The following YES1 variants were observed in gnomAD, a reference collection of about 807,000 sequenced individuals.
YES1 encodes the protein YES proto-oncogene 1, Src family tyrosine kinase.
Under a neutral mutation model 70.4 loss-of-function variants are expected in YES1, and 39 were observed. The observed-to-expected ratio is 0.55, with a 90% CI of 0.43 to 0.72. The LOEUF (loss-of-function observed/expected upper bound fraction) is 0.72. Among genes scored for constraint, YES1 ranks in the 30% least tolerant of loss-of-function variants. YES1 has a pLI of 0.00. For synonymous variants in YES1, 198 were observed against 218.6 expected (o/e 0.91, Z 0.83); for missense variants, 495 against 644.8 (o/e 0.77, Z 2.52).
At chr18:769,409 G>A (rs1264661241) in intron 1 of YES1, among the ~76,000 whole-genome samples, 6 of 150,676 alleles carry the variant, frequency 4.0e-5, no homozygotes, top group African/African-American at 4.8e-5. Context: ...TCCTACATAC[G>A]TCTTTTTCCC....
chr18:761,782 T>C (rs1457092321), intron 1 of YES1, among the ~76,000 whole-genome samples: 1 of 152,250 alleles, frequency 6.6e-6, no homozygotes, highest in African/African-American at 2.4e-5. Context: ...GGACCCATCA[T>C]TGCTGCTCAT....
intron 1 of YES1, among the ~76,000 whole-genome samples, chr18:763,929 G>A (rs1904728184): frequency 6.6e-6 from 1 of 151,774 alleles, no homozygotes; most frequent in Non-Finnish European, 1.5e-5. Flanking sequence ...AGACCATCCT[G>A]GCTAACAGGG....
Position 732,875 on chromosome 18 carries a change from A to G in YES1, c.1382T>C (p.Leu461Pro), listed in dbSNP as rs1344624141. The G allele has an allele frequency of 6.2e-7, 1 of 1,614,134 alleles. No individual in the cohort carries two copies. Among genetic ancestry groups the G allele is most frequent in the Non-Finnish European group, 8.5e-7 (1 of 1,180,056 alleles). Residue 461 changes from leucine to proline, a missense_variant, in exon 11 of 12, where the codon CTG becomes CCG. Around this residue, in one of 2 missense-constraint regions of YES1, gnomAD observed 385 missense variants for 540.9 expected, o/e 0.71. Coordinates refer to ENST00000314574, the MANE Select transcript of YES1 (RefSeq NM_005433.4). Reference protein sequence around the residue: ...IKSDVWSFGILQTELVTKGRV... With the variant: ...IKSDVWSFGIPQTELVTKGRV... ...GCCCTTTGTTACTAGTTCTGTTTGC[A>G]GAATTCCAAATGACCAGACATCAGA...
At chr18:791,035 G>A (rs560385698) in intron 1 of YES1, among the ~76,000 whole-genome samples, 13 of 152,112 alleles carry the variant, frequency 8.5e-5, no homozygotes, top group Admixed American at 7.9e-4. Context: ...GGATCATCTG[G>A]GGTCAAGAGT....
At chr18:778,569 A>C (rs922144011) in intron 1 of YES1, among the ~76,000 whole-genome samples, 1 of 152,240 alleles carries the variant, frequency 6.6e-6, no homozygotes, top group South Asian at 2.1e-4. Context: ...TGCTCTATCT[A>C]GTTTGGAAGG....
At chr18:761,473 C>T (rs1242274105) in intron 1 of YES1, among the ~76,000 whole-genome samples, 1 of 152,128 alleles carries the variant, frequency 6.6e-6, no homozygotes, top group Non-Finnish European at 1.5e-5. Context: ...CATGTCAATT[C>T]ACAACAGAGG....
intron 1 of YES1, among the ~76,000 whole-genome samples, chr18:770,268 CTTTTTT>C (rs11324966): frequency 7.1e-6 from 1 of 140,136 alleles, no homozygotes; most frequent in Non-Finnish European, 1.5e-5. Flanking sequence ...GCCCTTTTAT[CTTTTTT>C]TTTTTTTTTT....
chr18:725,199 C>T (rs1256051956), intron 11 of YES1, among the ~76,000 whole-genome samples: 3 of 151,768 alleles, frequency 2.0e-5, no homozygotes, highest in Non-Finnish European at 4.4e-5. Flanking sequence ...ACCCCCTGAT[C>T]AGCAGTTCAC....
At position 758,019 on chromosome 18, in the gene YES1, C is replaced by G. The variant is rs540087431; in HGVS notation, c.-8-1184G>C. On this transcript the variant is annotated intron_variant, in intron 1 of 11. Transcript: ENST00000314574. Reference sequence around the variant, plus strand: ...CAAATACTGTTGTATTCTGTCTATACCAGGACTATGTCAACAGAAATATAA... The same window carrying G: ...CAAATACTGTTGTATTCTGTCTATAGCAGGACTATGTCAACAGAAATATAA... Among the ~76,000 whole-genome samples, 72 of 152,134 alleles carry G rather than the reference C, an allele frequency of 4.7e-4. 1 individual carries two copies. The highest frequency in any genetic ancestry group is 4.4e-4 in the Non-Finnish European group (30 of 68,000).
intron 1 of YES1, among the ~76,000 whole-genome samples, chr18:801,908 T>TA (rs1446907566): frequency 1.3e-5 from 2 of 152,210 alleles, no homozygotes; most frequent in African/African-American, 4.8e-5. Flanking sequence ...CCTTATTTTA[T>TA]AAAAAGATGA....
At chr18:733,149 C>T (rs2080111557) in intron 10 of YES1, among the ~76,000 whole-genome samples, 184 bp from the exon 11 acceptor site, 2 of 152,164 alleles carry the variant, frequency 1.3e-5, no homozygotes, top group South Asian at 2.1e-4. Context: ...AAATAAATCA[C>T]ATTTCTTCCT....
intron 1 of YES1, among the ~76,000 whole-genome samples, chr18:792,122 A>C (rs1371166427): frequency 1.3e-5 from 2 of 152,068 alleles, no homozygotes; most frequent in Admixed American, 6.6e-5. Context: ...TCTATTAATA[A>C]TATTAATTCA....
chr18:778,434 T>C (rs1293821946), intron 1 of YES1, among the ~76,000 whole-genome samples: 1 of 152,226 alleles, frequency 6.6e-6, no homozygotes. Context: ...CAATGTTGCC[T>C]TATTATTAGT....
At chr18:727,792 G>A (rs890817891) in intron 11 of YES1, among the ~76,000 whole-genome samples, 1 of 151,884 alleles carries the variant, frequency 6.6e-6, no homozygotes, top group Non-Finnish European at 1.5e-5. Context: ...TTTTATTGTT[G>A]GTGTTTTAGA....
chr18:742,631 G>A (rs1414355044), intron 8 of YES1, among the ~76,000 whole-genome samples: 2 of 152,112 alleles, frequency 1.3e-5, no homozygotes, highest in Non-Finnish European at 2.9e-5. Context: ...TTAATTAAAT[G>A]TGTACAAACA....
rs1465077979 is a variant in YES1, at chr18:736,916, G to A, written c.1183C>T (p.Arg395Ter). Residue 395 changes from arginine (R) to a stop codon, truncating the protein, a stop_gained, in exon 10 of 12, where the codon CGA becomes TGA. Coordinates refer to ENST00000314574, the MANE Select transcript of YES1 (RefSeq NM_005433.4). LOFTEE classifies it high-confidence loss of function. Reference sequence around the variant, plus strand: ...AGAATATTAGCAGCCCGAAGATCTCGGTGAATATAGTTCATTCTTTCAATA... The same window carrying A: ...AGAATATTAGCAGCCCGAAGATCTCAGTGAATATAGTTCATTCTTTCAATA... ...AYIERMNYIHRDLRAANILVG... is the reference protein window; with the variant it reads ...AYIERMNYIH 9.9e-6 allele frequency: 16 copies of A among 1,611,206 alleles called. No individual in the cohort carries two copies. The highest frequency in any genetic ancestry group is 4.0e-5 in the African/African-American group (3 of 74,774).
At chr18:765,532 G>T (rs1904863824) in intron 1 of YES1, among the ~76,000 whole-genome samples, 1 of 151,276 alleles carries the variant, frequency 6.6e-6, no homozygotes, top group Non-Finnish European at 1.5e-5. Flanking sequence ...CCCAGTAGCT[G>T]GGATTACAGG....
At chr18:801,786 T>G (rs778635391) in intron 1 of YES1, among the ~76,000 whole-genome samples, 6 of 152,188 alleles carry the variant, frequency 3.9e-5, no homozygotes, top group African/African-American at 7.2e-5. Context: ...TGAAACAGTT[T>G]AGTGTAATAA....
intron 6 of YES1, among the ~76,000 whole-genome samples, chr18:744,193 C>T (rs533144835): frequency 3.3e-5 from 5 of 151,850 alleles, no homozygotes; most frequent in African/African-American, 1.2e-4. Context: ...TCCCCTAAGG[C>T]CCTGCAGTTA....
Sources: allele counts gnomAD v4.1 joint callset (sites outside exome capture counted in the v4.1 genomes callset), GRCh38; gene constraint gnomAD v4.1.1; regional missense constraint gnomAD v4.1.1; transcripts MANE v1.5; gene names NCBI Gene and HGNC (gene_info 2026-07-23, HGNC 2026-07-21).